Variants in BICD1 observed in about 807,000 individuals in gnomAD.
BICD1 encodes BICD cargo adaptor 1, also known as protein bicaudal D homolog 1.
BICD1 carries 35 observed loss-of-function variants against 92.5 expected under a neutral mutation model. The observed-to-expected ratio is 0.38, with a 90% CI of 0.29 to 0.50. The LOEUF (loss-of-function observed/expected upper bound fraction) is 0.50, where lower values mean the gene tolerates loss of function less well. Among genes scored for constraint, BICD1 ranks in the 20% least tolerant of loss-of-function variants. BICD1 has a pLI of 0.93. For missense variants in BICD1, 950 were observed against 1,189.8 expected (o/e 0.80, Z 2.97); for synonymous variants, 429 against 465.1 (o/e 0.92, Z 1.00).
rs1947882928 is a variant in BICD1 at position 32,296,675 on chromosome 12, ACTCCTCACTGCTCT to A, written c.579+2532_579+2545del. On this transcript the variant is annotated intron_variant, in intron 3 of 9. Coordinates refer to ENST00000652176, the MANE Select transcript of BICD1 (RefSeq NM_001714.4). ...GTGGCCCTTCCTTCCCGATTCCTAC[ACTCCTCACTGCTCT>A]CTAGAGCATGGTGAGAGCACGATCA... Among the ~76,000 whole-genome samples, 12 of 151,890 alleles carry A rather than the reference ACTCCTCACTGCTCT, an allele frequency of 7.9e-5. No individual in the cohort carries two copies. In the South Asian group the frequency reaches 2.5e-3, roughly 32 times the overall value.
At position 32,261,637 on chromosome 12, in the gene BICD1, T is replaced by G. The variant is rs139001116; in HGVS notation, c.427-32357T>G. ...TTGCATTTTGAGGACCAGTGCCATT[T>G]TGATGCTGGAGGATTCCACCACCTT... is the stretch of plus-strand genomic sequence containing the variant. On this transcript the variant is annotated intron_variant, in intron 2 of 9. Coordinates refer to ENST00000652176, the MANE Select transcript of BICD1 (RefSeq NM_001714.4). Among the ~76,000 whole-genome samples the G allele has an allele frequency of 2.9e-3, 442 of 152,372 alleles. 7 individuals are homozygous for G. The highest frequency in any genetic ancestry group is 8.1e-4 in the Non-Finnish European group (55 of 68,040).
intron 4 of BICD1, among the ~76,000 whole-genome samples, chr12:32,323,967 A>G (rs1467867374): frequency 6.6e-6 from 1 of 152,276 alleles, no homozygotes; most frequent in Non-Finnish European, 1.5e-5. Context: ...TTAAAACATT[A>G]GGAATATTGA....
intron 2 of BICD1, among the ~76,000 whole-genome samples, chr12:32,227,161 G>T (rs984509852): frequency 2.0e-5 from 3 of 152,234 alleles, no homozygotes; most frequent in Admixed American, 1.3e-4. Context: ...CCAGAGGACA[G>T]CCCTAAAGAT....
At chr12:32,303,930 C>A (rs535708900) in intron 3 of BICD1, among the ~76,000 whole-genome samples, 14 of 152,224 alleles carry the variant, frequency 9.2e-5, no homozygotes, top group African/African-American at 3.1e-4. Flanking sequence ...AAAAAATTAG[C>A]CAGGCGTGGT....
At chr12:32,319,926 G>A (rs1046837928) in intron 4 of BICD1, among the ~76,000 whole-genome samples, 4 of 151,996 alleles carry the variant, frequency 2.6e-5, no homozygotes, top group East Asian at 3.9e-4. Context: ...TTTAGTCTTC[G>A]TCCAGTTGAC....
intron 1 of BICD1, among the ~76,000 whole-genome samples, chr12:32,215,195 T>C (rs1294416572): frequency 1.3e-5 from 2 of 152,072 alleles, no homozygotes; most frequent in East Asian, 1.9e-4. Flanking sequence ...TACCACTGCA[T>C]TCTATCCTGG....
intron 1 of BICD1, among the ~76,000 whole-genome samples, chr12:32,132,679 G>GT (rs1565537299): frequency 6.6e-6 from 1 of 152,238 alleles, no homozygotes; most frequent in Non-Finnish European, 1.5e-5. Context: ...CAGTGTGGCA[G>GT]TTGTTGGGGA....
chr12:32,321,967 C>A (rs4474533), intron 4 of BICD1, among the ~76,000 whole-genome samples: 30,702 of 152,004 alleles, frequency 0.2, 3,789 homozygotes, highest in East Asian at 0.58. Flanking sequence ...CCATTGCACT[C>A]CAGCCTGGGC....
intron 1 of BICD1, among the ~76,000 whole-genome samples, chr12:32,168,378 A>C (rs1156824032): frequency 1.3e-5 from 2 of 150,894 alleles, no homozygotes; most frequent in African/African-American, 2.4e-5. Flanking sequence ...GAAGACCCTC[A>C]GTTCATACTA....
intron 1 of BICD1, chr12:32,109,011 A>G (rs1941594417): frequency 4.9e-6 from 1 of 203,446 alleles, no homozygotes; most frequent in African/African-American, 2.3e-5. Flanking sequence ...GTCTATACCT[A>G]TCAACACTGC....
chr12:32,120,895 GAAAA>G (rs757230402), intron 1 of BICD1, among the ~76,000 whole-genome samples: 103 of 24,790 alleles, frequency 4.2e-3, no homozygotes, highest in African/African-American at 0.028. Flanking sequence ...GAGAGAGAGA[GAAAA>G]AAAAAAGGAA....
chr12:32,373,466 C>A (rs898051284), intron 9 of BICD1, among the ~76,000 whole-genome samples: 1 of 152,090 alleles, frequency 6.6e-6, no homozygotes, highest in African/African-American at 2.4e-5. Context: ...AAATTTAAAT[C>A]ATCACGAATG....
At chr12:32,261,173 A>G (rs935969050) in intron 2 of BICD1, among the ~76,000 whole-genome samples, 1 of 152,220 alleles carries the variant, frequency 6.6e-6, no homozygotes, top group African/African-American at 2.4e-5. Context: ...CTCACTGATC[A>G]TTTAACAAAT....
intron 1 of BICD1, among the ~76,000 whole-genome samples, chr12:32,112,947 A>T (rs1196557743): frequency 6.6e-6 from 1 of 152,228 alleles, no homozygotes; most frequent in Non-Finnish European, 1.5e-5. Flanking sequence ...TACTCAAGGT[A>T]GGTGTTTCTT....
intron 1 of BICD1, among the ~76,000 whole-genome samples, chr12:32,182,991 G>C (rs1329837272): frequency 6.8e-6 from 1 of 147,044 alleles, no homozygotes; most frequent in Non-Finnish European, 1.5e-5. Flanking sequence ...ACCTAGACTC[G>C]AGCAATCCTT....
intron 1 of BICD1, among the ~76,000 whole-genome samples, chr12:32,197,678 G>A (rs1274433984): frequency 6.6e-6 from 1 of 152,178 alleles, no homozygotes; most frequent in Non-Finnish European, 1.5e-5. Context: ...TTACATTTCT[G>A]AGGTCTGCAC....
intron 1 of BICD1, among the ~76,000 whole-genome samples, chr12:32,165,643 C>T (rs1943737868): frequency 1.3e-5 from 2 of 149,390 alleles, no homozygotes; most frequent in East Asian, 2.0e-4. Context: ...TGAGATGCGC[C>T]ACTGTACTAC....
intron 1 of BICD1, among the ~76,000 whole-genome samples, chr12:32,138,814 A>G (rs1372890471): frequency 6.6e-6 from 1 of 152,088 alleles, no homozygotes; most frequent in Non-Finnish European, 1.5e-5. Context: ...ACATAATCTC[A>G]TCATCAGTTG....
intron 1 of BICD1, among the ~76,000 whole-genome samples, chr12:32,174,345 G>A (rs1351898969): frequency 6.6e-6 from 1 of 151,916 alleles, no homozygotes; most frequent in Non-Finnish European, 1.5e-5. Context: ...CAGTTAAAGT[G>A]TAATCCACTG....
Sources: allele counts gnomAD v4.1 joint callset (sites outside exome capture counted in the v4.1 genomes callset), GRCh38; gene constraint gnomAD v4.1.1; transcripts MANE v1.5; gene names NCBI Gene and HGNC (gene_info 2026-07-23, HGNC 2026-07-21).